Variants in KIRREL3 observed in about 807,000 individuals in gnomAD.
KIRREL3 encodes the protein kin of IRRE-like protein 3.
A neutral mutation model predicts 89.7 loss-of-function variants in KIRREL3; 36 were observed. The observed-to-expected ratio is 0.40, with a 90% CI of 0.31 to 0.53. KIRREL3 has a LOEUF of 0.53. KIRREL3 is among the 20% of genes least tolerant of loss of function. KIRREL3 has a pLI of 0.49. For missense variants in KIRREL3, 864 were observed against 1,056.6 expected, an observed-to-expected ratio of 0.82 and a Z score of 2.53; for synonymous variants, 445 against 441.4, an observed-to-expected ratio of 1.01 and a Z score of -0.10.
In KIRREL3 at chr11:126,521,295, C is replaced by T. The variant is rs372603773; in HGVS notation, c.433+20G>A. 330 of 1,523,470 alleles carry T rather than the reference C, an allele frequency of 2.2e-4. 2 individuals carry two copies. In the African/African-American group the frequency reaches 3.8e-3, roughly 17 times the overall value. 94.4% of individuals were successfully genotyped at this position (1,523,470 alleles called of 1,614,324 possible). ...GGTGCTTCACGCAGTGTCCCAGCCC[C>T]GTGTGCAGATGGTTCTTACCCAGGA... On this transcript the variant is annotated intron_variant, in intron 4 of 16. Transcript: ENST00000525144. This position sits in a 1 kb window ranked among gnomAD's most constrained non-coding sequence, Gnocchi z 4.1.
At chr11:126,785,074 T>C (rs77164526) in intron 1 of KIRREL3, among the ~76,000 whole-genome samples, 5,497 of 152,164 alleles carry the variant, frequency 0.036, 316 homozygotes, top group African/African-American at 0.12. Context: ...ATTTTGCCTG[T>C]GAAGATGAAG....
Position 126,987,713 on chromosome 11 carries a change from T to C in KIRREL3, c.55+12742A>G, listed in dbSNP as rs1949908131. 6.6e-6 allele frequency among the ~76,000 whole-genome samples: 1 copy of C among 152,266 alleles called. No individual in the cohort carries two copies. The highest frequency in any genetic ancestry group is 1.5e-5 in the Non-Finnish European group (1 of 68,052). On this transcript the variant is annotated intron_variant, in intron 1 of 16. Transcript: ENST00000525144. This position sits in a 1 kb window ranked among gnomAD's most constrained non-coding sequence, Gnocchi z 4.6. ...AAAAGAAGGCATTTGAAGTATTCTA[T>C]GCAGAGATCTATCTTCCTTGCATTC...
intron 8 of KIRREL3, among the ~76,000 whole-genome samples, chr11:126,447,323 A>T (rs796980699): frequency 8.5e-5 from 13 of 152,140 alleles, no homozygotes; most frequent in African/African-American, 3.1e-4. Flanking sequence ...TGGGATCTTC[A>T]TGCCTCTGCC....
intron 1 of KIRREL3, among the ~76,000 whole-genome samples, chr11:126,675,937 T>C (rs949535860): frequency 6.6e-6 from 1 of 152,126 alleles, no homozygotes; most frequent in Admixed American, 6.5e-5. Context: ...ATGAACGTGT[T>C]GACTGAAAGA....
At chr11:126,914,988 CT>C (rs1946979990) in intron 1 of KIRREL3, among the ~76,000 whole-genome samples, 1 of 152,202 alleles carries the variant, frequency 6.6e-6, no homozygotes, top group Non-Finnish European at 1.5e-5. Context: ...GGACACCCCC[CT>C]AAGACTCTGA....
chr11:126,966,229 TACAG>T (rs988466209), intron 1 of KIRREL3, among the ~76,000 whole-genome samples: 39 of 152,138 alleles, frequency 2.6e-4, no homozygotes, highest in African/African-American at 9.2e-4. Flanking sequence ...GACAATAAGG[TACAG>T]ACAAATGAAA....
intron 1 of KIRREL3, among the ~76,000 whole-genome samples, chr11:126,699,979 A>C (rs898269187): frequency 3.3e-5 from 5 of 152,112 alleles, no homozygotes; most frequent in Non-Finnish European, 7.4e-5. Context: ...GGATCAGTTG[A>C]GTTCTGGGGT....
At chr11:126,437,767 A>G (rs1591531070) in intron 11 of KIRREL3, among the ~76,000 whole-genome samples, 1 of 152,214 alleles carries the variant, frequency 6.6e-6, no homozygotes, top group Middle Eastern at 3.4e-3. Flanking sequence ...ATATGCCACA[A>G]TACAACACAC....
In KIRREL3 at chr11:126,747,144, C is replaced by T. The variant is rs1565698688; in HGVS notation, c.56-184232G>A. Among the ~76,000 whole-genome samples the T allele has an allele frequency of 6.6e-6, 1 of 152,156 alleles. No homozygotes were observed. The highest frequency in any genetic ancestry group is 1.5e-5 in the Non-Finnish European group (1 of 68,024). On this transcript the variant is annotated intron_variant, in intron 1 of 16. Transcript: ENST00000525144. The surrounding 1 kb of genome is among the most constrained non-coding windows in gnomAD (Gnocchi z 4.7). ...CTGTGTAGCTAACTTGTTTTCCTTC[C>T]CCATCAAATGAGCAAGTTGGCCTCA...
intron 1 of KIRREL3, among the ~76,000 whole-genome samples, chr11:126,785,967 T>G (rs1950476520): frequency 6.9e-6 from 1 of 144,082 alleles, no homozygotes; most frequent in Non-Finnish European, 1.5e-5. Context: ...GTACCAGCAG[T>G]CAAAAAAATG....
At chr11:126,889,559 A>G (rs762570623) in intron 1 of KIRREL3, among the ~76,000 whole-genome samples, 1 of 152,222 alleles carries the variant, frequency 6.6e-6, no homozygotes, top group Non-Finnish European at 1.5e-5. Context: ...ACTCTAAATG[A>G]TTACCACTCA....
In KIRREL3 at chr11:126,918,822, G is replaced by C. The variant is rs1247343495; in HGVS notation, c.55+81633C>G. Among the ~76,000 whole-genome samples, 9 of 152,052 alleles carry C rather than the reference G, an allele frequency of 5.9e-5. No homozygotes were observed. Among genetic ancestry groups the C allele is most frequent in the Non-Finnish European group, 1.5e-5 (1 of 68,022 alleles). On this transcript the variant is annotated intron_variant, in intron 1 of 16. Coordinates refer to ENST00000525144, the MANE Select transcript of KIRREL3 (RefSeq NM_032531.4). This position sits in a 1 kb window ranked among gnomAD's most constrained non-coding sequence, Gnocchi z 6.5. ...GATGTCTGCATGTTATAAAGAATGG[G>C]GAGCTAGCTGCCAAGACATTCCTAT...
intron 1 of KIRREL3, among the ~76,000 whole-genome samples, chr11:126,975,428 A>G (rs1255218444): frequency 2.0e-5 from 3 of 152,138 alleles, no homozygotes; most frequent in Admixed American, 1.3e-4. Flanking sequence ...ATTTCCTTAA[A>G]TAAGTATTTG....
chr11:126,862,579 A>C (rs1198864096), intron 1 of KIRREL3, among the ~76,000 whole-genome samples: 4 of 152,216 alleles, frequency 2.6e-5, no homozygotes, highest in Non-Finnish European at 5.9e-5. Context: ...CCTTCTGGGC[A>C]GTGAGAAGCC....
intron 1 of KIRREL3, among the ~76,000 whole-genome samples, chr11:126,596,425 C>G (rs1942398825): frequency 6.6e-6 from 1 of 152,358 alleles, no homozygotes; most frequent in South Asian, 2.1e-4. Context: ...CCCAATGTCA[C>G]ACAGCCAGTT....
intron 1 of KIRREL3, among the ~76,000 whole-genome samples, chr11:126,667,621 C>T (rs1360143353): frequency 2.0e-5 from 3 of 152,116 alleles, no homozygotes; most frequent in Non-Finnish European, 2.9e-5. Context: ...ATTTATTCTA[C>T]GATCTTTTCC....
At chr11:126,625,401 T>C (rs1175567470) in intron 1 of KIRREL3, among the ~76,000 whole-genome samples, 1 of 152,204 alleles carries the variant, frequency 6.6e-6, no homozygotes, top group East Asian at 1.9e-4. Flanking sequence ...GGTTGGTCGT[T>C]GTAAGGAATA....
Position 126,645,421 on chromosome 11 carries a change from C to G in KIRREL3, c.56-82509G>C, listed in dbSNP as rs996560712. On this transcript the variant is annotated intron_variant, in intron 1 of 16. Transcript: ENST00000525144. This position sits in a 1 kb window ranked among gnomAD's most constrained non-coding sequence, Gnocchi z 4.9. ...CCGTGAGCCATTTGAGGGCAGAGAC[C>G]AGACCATCTCCGCAGCCTCTCAGGC... Among the ~76,000 whole-genome samples, 3 of 152,156 alleles carry G rather than the reference C, an allele frequency of 2.0e-5. No individual in the cohort carries two copies. Among genetic ancestry groups the G allele is most frequent in the Admixed American group, 2.0e-4 (3 of 15,276 alleles).
rs1009411815 is a variant in KIRREL3 at position 126,697,652 on chromosome 11, T to C, written c.56-134740A>G. 3.3e-5 allele frequency among the ~76,000 whole-genome samples: 5 copies of C among 152,192 alleles called. No individual in the cohort carries two copies. The highest frequency in any genetic ancestry group is 1.2e-4 in the African/African-American group (5 of 41,448). Reference sequence around the variant, plus strand: ...GACCAACCCTAATAACCTGAACTCATGTAAAAGTGGCTCTTTCCTCCCAGT... The same window carrying C: ...GACCAACCCTAATAACCTGAACTCACGTAAAAGTGGCTCTTTCCTCCCAGT... On this transcript the variant is annotated intron_variant, in intron 1 of 16. Transcript: ENST00000525144. This position sits in a 1 kb window ranked among gnomAD's most constrained non-coding sequence, Gnocchi z 4.2.
Sources: gnomAD v4.1 joint callset for allele counts (sites outside exome capture counted in the v4.1 genomes callset) on GRCh38, gnomAD v4.1.1 for gene constraint, Gnocchi (gnomAD v3.1) non-coding constraint, MANE v1.5 for transcripts, NCBI Gene and HGNC (gene_info 2026-07-23, HGNC 2026-07-21) for gene names.